Variants in P3H2 observed in about 807,000 individuals in gnomAD.
P3H2 encodes prolyl 3-hydroxylase 2.
A neutral mutation model predicts 87.0 loss-of-function variants in P3H2; 80 were observed. The observed-to-expected ratio is 0.92, with a 90% CI of 0.77 to 1.11. The LOEUF (loss-of-function observed/expected upper bound fraction) is 1.11, where lower values mean the gene tolerates loss of function less well. Among genes scored for constraint, P3H2 ranks in the 50% least tolerant of loss-of-function variants. The probability of loss-of-function intolerance (pLI) is 0.00; values close to 1 mark genes in which losing one functional copy is unlikely to be tolerated. For missense variants in P3H2, 1,001 were observed against 923.9 expected (o/e 1.08, Z -1.08); for synonymous variants, 367 against 359.3 (o/e 1.02, Z -0.24).
At chr3:189,998,301 C>A (rs190367293) in intron 1 of P3H2, among the ~76,000 whole-genome samples, 2 of 152,146 alleles carry the variant, frequency 1.3e-5, no homozygotes, top group African/African-American at 2.4e-5. Flanking sequence ...CAGCACTAGA[C>A]GTTAAAGTTA....
chr3:190,120,778 G>C lies in P3H2; in HGVS notation c.-47C>G, dbSNP rs1295463650. 6.0e-6 allele frequency: 9 copies of C among 1,503,148 alleles called. No homozygotes were observed. Among genetic ancestry groups the C allele is most frequent in the Non-Finnish European group, 8.0e-6 (9 of 1,131,898 alleles). The allele number at this position is 1,503,148 out of a possible 1,614,324, so 93.1% of individuals were successfully genotyped here. On this transcript the variant is annotated 5_prime_UTR_variant, in exon 1 of 15. Transcript: ENST00000319332. The stretch of plus-strand genomic sequence containing the variant: ...GGACGGTTACGCTCGAGAGGGCTTC[G>C]GGGCACCTCGCGTCCGGGTCCCCTC...
intron 1 of P3H2, among the ~76,000 whole-genome samples, chr3:190,095,129 A>G (rs979885998): frequency 2.0e-5 from 3 of 151,742 alleles, no homozygotes; most frequent in Non-Finnish European, 4.4e-5. Flanking sequence ...TAATTATTAT[A>G]ACACTTTTAG....
At chr3:190,102,589 C>T (rs1711669856) in intron 1 of P3H2, among the ~76,000 whole-genome samples, 1 of 152,158 alleles carries the variant, frequency 6.6e-6, no homozygotes, top group Non-Finnish European at 1.5e-5. Context: ...TAAAAAGTTG[C>T]TTCTTAAGGA....
intron 1 of P3H2, among the ~76,000 whole-genome samples, chr3:190,106,116 T>C (rs1040166838): frequency 6.6e-6 from 1 of 152,056 alleles, no homozygotes; most frequent in Admixed American, 6.6e-5. Context: ...TCTATTAATA[T>C]GAAACAGAGA....
chr3:190,068,805 G>C (rs1057470766), intron 1 of P3H2, among the ~76,000 whole-genome samples: 1 of 151,766 alleles, frequency 6.6e-6, no homozygotes, highest in Non-Finnish European at 1.5e-5. Flanking sequence ...TTTCTTCTTC[G>C]GCAATAATTT....
rs576632325 is a variant in P3H2 at position 189,981,705 on chromosome 3, A to G, written c.1324+1341T>C. ...CCAGATTCCCTGGTAGCCAGGGGAA[A>G]AAAATGCTTTGAAATTTGGCAACTG... is the stretch of plus-strand genomic sequence containing the variant. On this transcript the variant is annotated intron_variant, in intron 8 of 14. Transcript: ENST00000319332. Among the ~76,000 whole-genome samples the G allele has an allele frequency of 3.3e-5, 5 of 152,344 alleles. No individual in the cohort carries two copies. The East Asian group carries it at 9.7e-4, about 29-fold the overall frequency.
chr3:189,995,942 AAAAAGAT>A (rs1270785084), intron 1 of P3H2, among the ~76,000 whole-genome samples: 1 of 152,220 alleles, frequency 6.6e-6, no homozygotes, highest in East Asian at 1.9e-4. Context: ...GGTTATTAAC[AAAAAGAT>A]AAAAGATAAC....
At chr3:190,118,227 T>C (rs1712371813) in intron 1 of P3H2, among the ~76,000 whole-genome samples, 1 of 152,012 alleles carries the variant, frequency 6.6e-6, no homozygotes, top group Non-Finnish European at 1.5e-5. Flanking sequence ...AGTTACCTCA[T>C]GGTTATTTGT....
intron 1 of P3H2, among the ~76,000 whole-genome samples, chr3:190,086,169 A>G (rs902676055): frequency 3.9e-5 from 6 of 152,086 alleles, no homozygotes; most frequent in African/African-American, 1.4e-4. Context: ...TCTTCCTAAT[A>G]CATCTGGGAC....
At chr3:190,122,073 T>G (rs1712626617), upstream of P3H2, 1 of 102,434 alleles carries the variant, frequency 9.8e-6, no homozygotes, top group African/African-American at 4.9e-5. Flanking sequence ...AGAGTGAGAC[T>G]CCGTCTCAAA....
rs541725553 is a variant in P3H2, at chr3:190,005,969, A to G, written c.481-10527T>C. Among the ~76,000 whole-genome samples, 15 of 152,344 alleles carry G rather than the reference A, an allele frequency of 9.8e-5. No homozygotes were observed. The South Asian group carries it at 2.7e-3, about 27-fold the overall frequency. On this transcript the variant is annotated intron_variant, in intron 1 of 14. Coordinates refer to ENST00000319332, the MANE Select transcript of P3H2 (RefSeq NM_018192.4). ...CCTCTGGCATCACACCTGCACTTTTATAAGTATCCAGCCACAGCAATAACC... is the reference window on the plus strand; with the variant it reads ...CCTCTGGCATCACACCTGCACTTTTGTAAGTATCCAGCCACAGCAATAACC...
chr3:190,060,853 T>C (rs1204012865), intron 1 of P3H2, among the ~76,000 whole-genome samples: 1 of 152,158 alleles, frequency 6.6e-6, no homozygotes, highest in African/African-American at 2.4e-5. Context: ...GCAGGAACCA[T>C]GCTACATGGT....
In P3H2 at chr3:189,957,951, C is replaced by T; in HGVS notation, c.2088G>A (p.Gly696=). The change falls in exon 15 of 15, where the codon GGG becomes GGA. Residue 696 remains glycine, a synonymous_variant. Transcript: ENST00000319332. ...TAGGGTTGATATTCAGTTCATGCTTCCCTTGCTGTTCTTGATCCAGAATTG... is the reference window on the plus strand; with the variant it reads ...TAGGGTTGATATTCAGTTCATGCTTTCCTTGCTGTTCTTGATCCAGAATTG... ...VIAILDQEQQ[G]KHELNINPKD... 1 of 1,613,604 alleles carries T rather than the reference C, an allele frequency of 6.2e-7. No homozygotes were observed. The highest frequency in any genetic ancestry group is 8.5e-7 in the Non-Finnish European group (1 of 1,179,520).
chr3:189,976,233 C>T (rs1024050634), intron 8 of P3H2, among the ~76,000 whole-genome samples: 61 of 152,250 alleles, frequency 4.0e-4, no homozygotes, highest in Admixed American at 1.2e-3. Context: ...TAATGTACCA[C>T]GATTAATTTT....
At chr3:190,029,137 G>A (rs574675758) in intron 1 of P3H2, among the ~76,000 whole-genome samples, 2 of 152,290 alleles carry the variant, frequency 1.3e-5, no homozygotes, top group East Asian at 3.9e-4. Context: ...GTTCGAGTGG[G>A]GGTGGTTAGT....
chr3:189,961,733 C>A (rs1487535814), intron 14 of P3H2, among the ~76,000 whole-genome samples: 1 of 152,224 alleles, frequency 6.6e-6, no homozygotes, highest in Non-Finnish European at 1.5e-5. Flanking sequence ...CCACTAGATG[C>A]CGCTACGGCC....
At chr3:190,056,748 A>C (rs1003811466) in intron 1 of P3H2, among the ~76,000 whole-genome samples, 1 of 152,222 alleles carries the variant, frequency 6.6e-6, no homozygotes, top group Admixed American at 6.5e-5. Context: ...GGGATGCCTT[A>C]AACATGCCAG....
chr3:190,025,914 T>TAC (rs1286316505), intron 1 of P3H2, among the ~76,000 whole-genome samples: 1 of 152,222 alleles, frequency 6.6e-6, no homozygotes, highest in African/African-American at 2.4e-5. Context: ...CTACTGGATT[T>TAC]ACAGTACACT....
Position 189,975,457 on chromosome 3 carries a change from T to TA in P3H2, c.1325-773dup, listed in dbSNP as rs11369414. Among the ~76,000 whole-genome samples the TA allele has an allele frequency of 6.6e-3, 1,004 of 152,260 alleles. 10 individuals carry two copies. Among genetic ancestry groups the TA allele is most frequent in the African/African-American group, 0.024 (980 of 41,554 alleles). ...TAGGACTGAAGGACAAAGCCTCTGA[T>TA]AGAGAGGAAATCTTCTGGTGTAGCA... On this transcript the variant is annotated intron_variant, in intron 8 of 14. Transcript: ENST00000319332.
Sources: allele counts gnomAD v4.1 joint callset (sites outside exome capture counted in the v4.1 genomes callset), GRCh38; gene constraint gnomAD v4.1.1; transcripts MANE v1.5; gene names NCBI Gene and HGNC (gene_info 2026-07-23, HGNC 2026-07-21).